The following SLC39A11 variants were observed in gnomAD, a reference collection of about 807,000 sequenced individuals.
SLC39A11 encodes the protein zinc transporter ZIP11.
SLC39A11 carries 33 observed loss-of-function variants against 36.1 expected under a neutral mutation model. The observed-to-expected ratio is 0.91, with a 90% confidence interval of 0.69 to 1.22. The LOEUF (loss-of-function observed/expected upper bound fraction) is 1.22, where lower values mean the gene tolerates loss of function less well. Ranked by LOEUF, SLC39A11 falls within the 50% of genes most tolerant of loss-of-function variation. The pLI, the probability that SLC39A11 is intolerant of heterozygous loss-of-function variation, is 0.00. For missense variants in SLC39A11, 432 were observed against 430.3 expected (o/e 1.00, Z -0.03); for synonymous variants, 166 against 170.3 (o/e 0.97, Z 0.20).
intron 3 of SLC39A11, among the ~76,000 whole-genome samples, chr17:73,084,301 T>C (rs1382500945): frequency 6.6e-6 from 1 of 151,858 alleles, no homozygotes; most frequent in East Asian, 1.9e-4. Flanking sequence ...GCCAGGCACG[T>C]TGGCACATGC....
chr17:72,803,924 T>G (rs2077172127), intron 6 of SLC39A11, among the ~76,000 whole-genome samples: 1 of 150,834 alleles, frequency 6.6e-6, no homozygotes, highest in Non-Finnish European at 1.5e-5. Flanking sequence ...CAAGACAAAC[T>G]CTTACACATG....
chr17:72,703,885 C>A (rs761491699), intron 7 of SLC39A11, among the ~76,000 whole-genome samples: 1 of 152,126 alleles, frequency 6.6e-6, no homozygotes, highest in African/African-American at 2.4e-5. Context: ...CCCAGCACTT[C>A]GGGAGGCCGA....
At chr17:72,666,225 C>T (rs1486442417) in intron 7 of SLC39A11, among the ~76,000 whole-genome samples, 2 of 152,230 alleles carry the variant, frequency 1.3e-5, no homozygotes, top group South Asian at 2.1e-4. Context: ...GTTGCAGAGA[C>T]AGGCCTCTGC....
chr17:73,046,189 T>G (rs553067805), intron 3 of SLC39A11, among the ~76,000 whole-genome samples: 1 of 152,228 alleles, frequency 6.6e-6, no homozygotes, highest in Non-Finnish European at 1.5e-5. Context: ...CATGCCTCTT[T>G]TCTTGGCTCA....
intron 6 of SLC39A11, among the ~76,000 whole-genome samples, chr17:72,780,061 T>G (rs73352981): frequency 0.037 from 5,623 of 152,236 alleles, 323 homozygotes; most frequent in African/African-American, 0.12. Context: ...ATCCCCTTGG[T>G]CAGTGTACTC....
chr17:72,719,351 A>T (rs1489263948), intron 7 of SLC39A11, among the ~76,000 whole-genome samples: 1 of 152,152 alleles, frequency 6.6e-6, no homozygotes, highest in East Asian at 1.9e-4. Context: ...GGCAGCGAGG[A>T]CTGAGCAATG....
chr17:72,859,072 C>G (rs938773221), intron 5 of SLC39A11, among the ~76,000 whole-genome samples: 3 of 152,218 alleles, frequency 2.0e-5, no homozygotes, highest in African/African-American at 7.2e-5. Context: ...TTGTCTTGCT[C>G]TGGTTTCCAA....
At chr17:73,016,864 A>T (rs552809483) in intron 4 of SLC39A11, among the ~76,000 whole-genome samples, 1 of 152,226 alleles carries the variant, frequency 6.6e-6, no homozygotes, top group East Asian at 1.9e-4. Flanking sequence ...TTTTCATCCA[A>T]TTATGCTTAT....
rs368115151 is a variant in SLC39A11 at position 72,733,440 on chromosome 17, C to CATGAATGA, written c.671+3202_671+3209dup. Reference sequence around the variant, plus strand: ...ACCACTACTCACTAAAGAACGGGTGCATGAATGAATGAATGAATGAATGAG... The same window carrying CATGAATGA: ...ACCACTACTCACTAAAGAACGGGTGCATGAATGAATGAATGAATGAATGAATGAATGAG... On this transcript the variant is annotated intron_variant, in intron 7 of 9. Transcript: ENST00000255559. 1.6e-3 allele frequency among the ~76,000 whole-genome samples: 244 copies of CATGAATGA among 152,150 alleles called. 5 individuals carry two copies. In the East Asian group the frequency reaches 0.041, roughly 25 times the overall value.
intron 6 of SLC39A11, among the ~76,000 whole-genome samples, chr17:72,777,058 C>T (rs887761810): frequency 2.0e-5 from 3 of 152,146 alleles, no homozygotes; most frequent in Non-Finnish European, 2.9e-5. Flanking sequence ...GGGCCTGCTT[C>T]GTAAACTGCA....
intron 4 of SLC39A11, among the ~76,000 whole-genome samples, chr17:72,995,451 G>A (rs1673363772): frequency 6.6e-6 from 1 of 152,204 alleles, no homozygotes; most frequent in Admixed American, 6.5e-5. Flanking sequence ...ACTAAGGGAT[G>A]CCCAGATAGC....
At chr17:73,062,461 C>CAAAAAAAAAAAA (rs1555698613) in intron 3 of SLC39A11, among the ~76,000 whole-genome samples, 18 of 27,814 alleles carry the variant, frequency 6.5e-4, no homozygotes, top group South Asian at 6.1e-3. Flanking sequence ...GAGCTTGTCT[C>CAAAAAAAAAAAA]AAAAAAAAAA....
chr17:73,005,236 G>A (rs756348857), intron 4 of SLC39A11, among the ~76,000 whole-genome samples: 14 of 152,188 alleles, frequency 9.2e-5, no homozygotes, highest in Middle Eastern at 3.4e-3. Flanking sequence ...CCTCTGCCTC[G>A]CAAAGTGCTA....
chr17:73,084,807 C>A lies in SLC39A11; in HGVS notation c.147+1G>T. 1.9e-6 allele frequency: 3 copies of A among 1,614,028 alleles called. 1 individual carries two copies. Among genetic ancestry groups the A allele is most frequent in the South Asian group, 2.2e-5 (2 of 91,074 alleles). On this transcript the variant is annotated splice_donor_variant, in intron 3 of 9. Transcript: ENST00000255559. LOFTEE classifies it high-confidence loss of function. ...CATTTCTCCTACTACATGCTACTTACCCCTGCAGCAAAGCCAAGACTTCCA... is the reference window on the plus strand; with the variant it reads ...CATTTCTCCTACTACATGCTACTTAACCCTGCAGCAAAGCCAAGACTTCCA...
At chr17:72,863,995 A>G (rs80351029) in intron 5 of SLC39A11, among the ~76,000 whole-genome samples, 3 of 152,158 alleles carry the variant, frequency 2.0e-5, no homozygotes, top group Non-Finnish European at 2.9e-5. Flanking sequence ...TGTATAAACC[A>G]CTGAGACTGA....
chr17:72,954,841 ACACAGAGTGG>A (rs1271969595), intron 4 of SLC39A11, among the ~76,000 whole-genome samples: 2 of 152,172 alleles, frequency 1.3e-5, no homozygotes, highest in African/African-American at 4.8e-5. Context: ...GCAAACAGGG[ACACAGAGTGG>A]CACAGACACT....
chr17:72,675,091 T>C (rs542390159), intron 7 of SLC39A11, among the ~76,000 whole-genome samples: 43 of 152,142 alleles, frequency 2.8e-4, no homozygotes, highest in Non-Finnish European at 4.9e-4. Context: ...AAAGAGCTAG[T>C]TGTCAACAGG....
At chr17:72,911,914 G>A (rs79913200) in intron 5 of SLC39A11, among the ~76,000 whole-genome samples, 77,381 of 151,666 alleles carry the variant, frequency 0.51, 19,688 homozygotes, top group African/African-American at 0.53. Flanking sequence ...GAAGTGCTGG[G>A]ATTACAGGCG....
At chr17:73,002,454 C>G (rs1568101542) in intron 4 of SLC39A11, among the ~76,000 whole-genome samples, 1 of 152,164 alleles carries the variant, frequency 6.6e-6, no homozygotes, top group African/African-American at 2.4e-5. Flanking sequence ...GGATCAAACT[C>G]TTACTTAACA....
Sources: gnomAD v4.1 joint callset for allele counts (sites outside exome capture counted in the v4.1 genomes callset) on GRCh38, gnomAD v4.1.1 for gene constraint, MANE v1.5 for transcripts, NCBI Gene and HGNC (gene_info 2026-07-23, HGNC 2026-07-21) for gene names.